The following LNX1 variants were observed in gnomAD, a reference collection of about 807,000 sequenced individuals.
LNX1 encodes E3 ubiquitin-protein ligase LNX.
LNX1 carries 54 observed loss-of-function variants against 68.4 expected under a neutral mutation model. That is an observed-to-expected ratio of 0.79 (90% CI 0.63 to 0.99). The LOEUF is 0.99. Among genes scored for constraint, LNX1 ranks in the 50% least tolerant of loss-of-function variants. The pLI, the probability that LNX1 is intolerant of heterozygous loss-of-function variation, is 0.00. For missense variants in LNX1, 906 were observed against 926.4 expected, an observed-to-expected ratio of 0.98 and a Z score of 0.29; for synonymous variants, 336 against 350.0, an observed-to-expected ratio of 0.96 and a Z score of 0.45.
chr4:53,546,139 G>T (rs540849463), intron 2 of LNX1, among the ~76,000 whole-genome samples: 15 of 152,156 alleles, frequency 9.9e-5, no homozygotes, highest in Non-Finnish European at 1.9e-4. Flanking sequence ...ACAAGCTAAA[G>T]CTTGTTAATG....
At chr4:53,485,099 G>A (rs989115492) in intron 6 of LNX1, among the ~76,000 whole-genome samples, 2 of 152,230 alleles carry the variant, frequency 1.3e-5, no homozygotes, top group African/African-American at 4.8e-5. Flanking sequence ...TCTTGGAAGA[G>A]TATTTTGTAA....
intron 1 of LNX1, among the ~76,000 whole-genome samples, chr4:53,590,593 A>G (rs1280505627): frequency 6.6e-6 from 1 of 152,244 alleles, no homozygotes; most frequent in African/African-American, 2.4e-5. Flanking sequence ...AGGTCCTGGC[A>G]GAACAACTTC....
chr4:53,592,989 CTG>C (rs1457376272), upstream of LNX1: 2 of 152,340 alleles, frequency 1.3e-5, no homozygotes, highest in African/African-American at 4.8e-5. Context: ...CCTGGGAACT[CTG>C]TGCCTTTTGA....
chr4:53,519,257 C>T (rs541550065), intron 2 of LNX1, among the ~76,000 whole-genome samples: 1 of 152,294 alleles, frequency 6.6e-6, no homozygotes, highest in Non-Finnish European at 1.5e-5. Context: ...CTAGAGAAAG[C>T]ACCTTAGTCC....
At chr4:53,632,182 G>T (rs530592354) in intron 1 of LNX1, among the ~76,000 whole-genome samples, 1 of 152,140 alleles carries the variant, frequency 6.6e-6, no homozygotes, top group Non-Finnish European at 1.5e-5. Context: ...TGGCCGCTGC[G>T]GTGGCCAGGT....
upstream of LNX1, among the ~76,000 whole-genome samples, chr4:53,622,152 A>G (rs1292063232): frequency 1.1e-4 from 16 of 152,146 alleles, no homozygotes; most frequent in Admixed American, 1.0e-3. Context: ...GATTTATCAT[A>G]TATTTAGTGT....
Position 53,481,842 on chromosome 4 carries a change from G to C in LNX1, c.1363C>G (p.Arg455Gly), listed in dbSNP as rs116172001. ...AAHLIQASERRVHLVVSRQVR... is the reference protein window; with the variant it reads ...AAHLIQASERGVHLVVSRQVR... ...TGGCGGGACACGACGAGGTGAACAC[G>C]TCTTTCACTGGCCTGGGCAAGAAGA... The change falls in exon 7 of 11, where the codon CGT becomes GGT. Residue 455 changes from arginine (R) to glycine (G), a missense_variant. Physicochemically the swap from Arg to Gly is moderately radical, Grantham distance 125. Coordinates refer to ENST00000263925, the MANE Select transcript of LNX1 (RefSeq NM_001126328.3). 6.2e-7 allele frequency: 1 copy of C among 1,603,992 alleles called. No individual in the cohort carries two copies. Among genetic ancestry groups the C allele is most frequent in the Non-Finnish European group, 8.5e-7 (1 of 1,174,012 alleles).
At chr4:53,525,852 C>G (rs572626509) in intron 2 of LNX1, among the ~76,000 whole-genome samples, 1 of 152,244 alleles carries the variant, frequency 6.6e-6, no homozygotes, top group Non-Finnish European at 1.5e-5. Context: ...GAGGCACTGG[C>G]AAGCTAGGCT....
intron 6 of LNX1, among the ~76,000 whole-genome samples, chr4:53,493,472 C>T (rs1390276658): frequency 6.6e-6 from 1 of 152,154 alleles, no homozygotes; most frequent in Non-Finnish European, 1.5e-5. Flanking sequence ...CCCCTTGTAC[C>T]CTCTGCCTCA....
chr4:53,575,299 C>T (rs1731412811), intron 1 of LNX1, among the ~76,000 whole-genome samples: 2 of 152,146 alleles, frequency 1.3e-5, no homozygotes, highest in Admixed American at 1.3e-4. Flanking sequence ...TTCTTTTAAA[C>T]AGTAGAATAC....
At chr4:53,577,808 C>T (rs1389460248) in intron 1 of LNX1, among the ~76,000 whole-genome samples, 8 of 152,108 alleles carry the variant, frequency 5.3e-5, no homozygotes, top group Non-Finnish European at 1.2e-4. Flanking sequence ...CAGACTAGAT[C>T]GTGTACAACA....
At chr4:53,576,720 A>G (rs1731513136) in intron 1 of LNX1, among the ~76,000 whole-genome samples, 1 of 152,212 alleles carries the variant, frequency 6.6e-6, no homozygotes, top group Non-Finnish European at 1.5e-5. Flanking sequence ...AAAAGACCTT[A>G]TGCTTTCCAC....
chr4:53,503,271 T>C (rs1725635006), intron 4 of LNX1, among the ~76,000 whole-genome samples: 1 of 152,200 alleles, frequency 6.6e-6, no homozygotes, highest in Non-Finnish European at 1.5e-5. Context: ...GGGTGAATCC[T>C]TTCCAGAAGG....
chr4:53,585,020 A>G (rs1732076808), intron 1 of LNX1, among the ~76,000 whole-genome samples: 1 of 151,948 alleles, frequency 6.6e-6, no homozygotes, highest in Non-Finnish European at 1.5e-5. Flanking sequence ...GGTAGTCCAG[A>G]TGGTGGTAAA....
At chr4:53,555,813 C>G (rs558507589) in intron 2 of LNX1, among the ~76,000 whole-genome samples, 3 of 151,746 alleles carry the variant, frequency 2.0e-5, no homozygotes, top group African/African-American at 7.3e-5. Flanking sequence ...TAGCATCATA[C>G]TTTTATAGAT....
chr4:53,477,002 A>G, intron 8 of LNX1, 21 bp from the exon 9 acceptor site: 2 of 1,596,938 alleles, frequency 1.3e-6, no homozygotes, highest in Non-Finnish European at 1.7e-6. Context: ...GAGAAGCAGA[A>G]GCTATCTTTA....
chr4:53,470,890 A>G (rs1390939701), intron 9 of LNX1, among the ~76,000 whole-genome samples: 2 of 152,068 alleles, frequency 1.3e-5, no homozygotes, highest in Non-Finnish European at 2.9e-5. Context: ...GGAAGAATCA[A>G]TTATCATGAA....
chr4:53,543,974 C>T (rs1004045310), intron 2 of LNX1, among the ~76,000 whole-genome samples: 1 of 152,188 alleles, frequency 6.6e-6, no homozygotes, highest in African/African-American at 2.4e-5. Context: ...ACACATTGAC[C>T]TCATCTCTGG....
intron 2 of LNX1, among the ~76,000 whole-genome samples, chr4:53,542,844 C>G (rs531068078): frequency 1.3e-5 from 2 of 152,246 alleles, no homozygotes; most frequent in Non-Finnish European, 1.5e-5. Context: ...GTAAGAACCC[C>G]CCTCTCCCAT....
Sources: gnomAD v4.1 joint callset for allele counts (sites outside exome capture counted in the v4.1 genomes callset) on GRCh38, gnomAD v4.1.1 for gene constraint, MANE v1.5 for transcripts, NCBI Gene and HGNC (gene_info 2026-07-23, HGNC 2026-07-21) for gene names.